Variants in EMILIN2 observed in about 807,000 individuals in gnomAD.
EMILIN2 encodes elastin microfibril interfacer 2.
Under a neutral mutation model 87.1 loss-of-function variants are expected in EMILIN2, and 71 were observed. The observed-to-expected ratio is 0.82, with a 90% CI of 0.67 to 0.99. EMILIN2 has a LOEUF of 0.99. EMILIN2 is among the 50% of genes least tolerant of loss of function. The pLI is 0.00. For missense variants in EMILIN2, 1,407 were observed against 1,371.8 expected, an observed-to-expected ratio of 1.03 and a Z score of -0.40; for synonymous variants, 581 against 563.4, an observed-to-expected ratio of 1.03 and a Z score of -0.44.
intron 2 of EMILIN2, among the ~76,000 whole-genome samples, chr18:2,866,015 C>A (rs1005559265): frequency 1.3e-5 from 2 of 152,142 alleles, no homozygotes; most frequent in African/African-American, 2.4e-5. Context: ...GAGCCTGGTG[C>A]GGGATATAAT....
chr18:2,882,493 C>T (rs193254178), intron 2 of EMILIN2, among the ~76,000 whole-genome samples: 1 of 152,236 alleles, frequency 6.6e-6, no homozygotes, highest in African/African-American at 2.4e-5. Flanking sequence ...TGGCTCATGC[C>T]TGTAATCCCA....
intron 7 of EMILIN2, among the ~76,000 whole-genome samples, chr18:2,911,910 G>C (rs1208646260): frequency 7.3e-6 from 1 of 137,014 alleles, no homozygotes; most frequent in Non-Finnish European, 1.7e-5. Context: ...TCAGGGCCAG[G>C]TACCTTAGGA....
intron 2 of EMILIN2, among the ~76,000 whole-genome samples, chr18:2,861,163 T>C (rs1392219299): frequency 6.6e-6 from 1 of 152,212 alleles, no homozygotes; most frequent in East Asian, 1.9e-4. Context: ...ATTGCAAAAA[T>C]GTTCTCCCAT....
intron 4 of EMILIN2, among the ~76,000 whole-genome samples, chr18:2,893,794 A>C (rs1243759308): frequency 6.6e-6 from 1 of 152,182 alleles, no homozygotes; most frequent in Non-Finnish European, 1.5e-5. Flanking sequence ...GTTTTCCAAC[A>C]GGGAAAATGT....
intron 2 of EMILIN2, among the ~76,000 whole-genome samples, chr18:2,877,000 A>G (rs1195023394): frequency 6.6e-6 from 1 of 152,250 alleles, no homozygotes; most frequent in Admixed American, 6.5e-5. Flanking sequence ...TATGTGATGT[A>G]GCAGAAAGAG....
At position 2,847,945 on chromosome 18, in the gene EMILIN2, C is replaced by T. The variant is rs1301609023; in HGVS notation, c.257+14C>T. The T allele has an allele frequency of 1.2e-6, 2 of 1,603,590 alleles. No homozygotes were observed. Among genetic ancestry groups the T allele is most frequent in the Admixed American group, 3.4e-5 (2 of 59,310 alleles). ...GTCGGCGCTGGTGTAAGTCCTGGAG[C>T]CGGGGAGCGGGCGGGGCGCGCCCGG... On this transcript the variant is annotated intron_variant, in intron 2 of 7. Transcript: ENST00000254528. This position sits in a 1 kb window ranked among gnomAD's most constrained non-coding sequence, Gnocchi z 4.5.
chr18:2,900,270 C>T (rs1036656206), intron 4 of EMILIN2, among the ~76,000 whole-genome samples: 1 of 152,204 alleles, frequency 6.6e-6, no homozygotes, highest in African/African-American at 2.4e-5. Flanking sequence ...TCACTACAGC[C>T]TTGAACTCCT....
chr18:2,893,965 T>C (rs2076851725), intron 4 of EMILIN2, among the ~76,000 whole-genome samples: 1 of 152,146 alleles, frequency 6.6e-6, no homozygotes, highest in Admixed American at 6.5e-5. Flanking sequence ...GGGGCCTGCT[T>C]TGTGCTAGAA....
intron 4 of EMILIN2, among the ~76,000 whole-genome samples, chr18:2,901,152 C>T (rs2076886660): frequency 6.6e-6 from 1 of 152,224 alleles, no homozygotes; most frequent in African/African-American, 2.4e-5. Flanking sequence ...AGTGGCTTTC[C>T]CACAGCCGAG....
At chr18:2,862,931 C>A (rs1388521555) in intron 2 of EMILIN2, among the ~76,000 whole-genome samples, 1 of 152,154 alleles carries the variant, frequency 6.6e-6, no homozygotes, top group Non-Finnish European at 1.5e-5. Context: ...GATTCAACTT[C>A]TTCCTGGTTT....
At chr18:2,911,219 G>A (rs368211701) in intron 7 of EMILIN2, among the ~76,000 whole-genome samples, 4 of 152,188 alleles carry the variant, frequency 2.6e-5, no homozygotes, top group South Asian at 2.1e-4. Context: ...TGCTTCCAGG[G>A]TTGCGTCCCT....
At chr18:2,852,379 A>G (rs1033871205) in intron 2 of EMILIN2, among the ~76,000 whole-genome samples, 3 of 152,194 alleles carry the variant, frequency 2.0e-5, no homozygotes. Context: ...GGACTTCCAC[A>G]TGTATGTTCC....
intron 2 of EMILIN2, among the ~76,000 whole-genome samples, chr18:2,855,369 G>A (rs1302983869): frequency 6.6e-6 from 1 of 152,202 alleles, no homozygotes; most frequent in Non-Finnish European, 1.5e-5. Context: ...CGAGACTGGG[G>A]CCTTGGAAAA....
intron 2 of EMILIN2, among the ~76,000 whole-genome samples, chr18:2,862,191 T>G (rs187060190): frequency 6.6e-6 from 1 of 152,164 alleles, no homozygotes; most frequent in South Asian, 2.1e-4. Flanking sequence ...AGGGACAATT[T>G]GACTTCCTCC....
intron 2 of EMILIN2, among the ~76,000 whole-genome samples, chr18:2,882,036 C>T (rs2076779417): frequency 6.6e-6 from 1 of 152,192 alleles, no homozygotes; most frequent in South Asian, 2.1e-4. Context: ...CCTGAGAGAA[C>T]GGCTGTGTGG....
rs949282135 is a variant in EMILIN2, at chr18:2,880,719, G to A, written c.258-4245G>A. 4.6e-5 allele frequency among the ~76,000 whole-genome samples: 7 copies of A among 152,144 alleles called. No individual in the cohort carries two copies. Among genetic ancestry groups the A allele is most frequent in the South Asian group, 2.1e-4 (1 of 4,830 alleles). On this transcript the variant is annotated intron_variant, in intron 2 of 7. Coordinates refer to ENST00000254528, the MANE Select transcript of EMILIN2 (RefSeq NM_032048.3). This position sits in a 1 kb window ranked among gnomAD's most constrained non-coding sequence, Gnocchi z 4.1. ...ATTCTGTATCGAGTGAGCATCTCCC[G>A]TGTGCTCACAGCCCGGGGCCCCTGG...
At chr18:2,881,282 A>G (rs1316113896) in intron 2 of EMILIN2, among the ~76,000 whole-genome samples, 1 of 152,206 alleles carries the variant, frequency 6.6e-6, no homozygotes, top group African/African-American at 2.4e-5. Flanking sequence ...TGTTGATGCC[A>G]GCCAGGAAGT....
rs1466188620 is a variant in EMILIN2, at chr18:2,894,035, C to G, written c.2359+1549C>G. ...TTTTCTCCCATCCTTGCCTTTGGGA[C>G]TTTTACCTCCCTGACCTGGTTCCGC... On this transcript the variant is annotated intron_variant, in intron 4 of 7. Coordinates refer to ENST00000254528, the MANE Select transcript of EMILIN2 (RefSeq NM_032048.3). The surrounding 1 kb of genome is among the most constrained non-coding windows in gnomAD (Gnocchi z 5.0). Among the ~76,000 whole-genome samples, 4 of 152,256 alleles carry G rather than the reference C, an allele frequency of 2.6e-5. No homozygotes were observed. The East Asian group carries it at 7.7e-4, about 29-fold the overall frequency.
intron 2 of EMILIN2, among the ~76,000 whole-genome samples, chr18:2,871,063 G>A (rs2076717182): frequency 6.6e-6 from 1 of 152,122 alleles, no homozygotes. Flanking sequence ...GATCACCTCT[G>A]TAAAGACCCT....
Sources: allele counts gnomAD v4.1 joint callset (sites outside exome capture counted in the v4.1 genomes callset), GRCh38; gene constraint gnomAD v4.1.1; non-coding constraint Gnocchi (gnomAD v3.1); transcripts MANE v1.5; gene names NCBI Gene and HGNC (gene_info 2026-07-23, HGNC 2026-07-21).